The following SCEL variants were observed in gnomAD, a reference collection of about 807,000 sequenced individuals.
SCEL encodes sciellin.
In SCEL, 113 loss-of-function variants were observed where a neutral mutation model predicts 117.6. The observed-to-expected ratio is 0.96, with a 90% CI of 0.83 to 1.12. SCEL has a LOEUF of 1.12. Ranked by LOEUF, SCEL falls within the 50% of genes most tolerant of loss-of-function variation. SCEL has a pLI of 0.00. For missense variants in SCEL, 785 were observed against 810.8 expected (o/e 0.97, Z 0.39); for synonymous variants, 270 against 256.2 (o/e 1.05, Z -0.51).
intron 28 of SCEL, among the ~76,000 whole-genome samples, chr13:77,633,049 CA>C (rs2090096353): frequency 6.6e-6 from 1 of 152,330 alleles, no homozygotes; most frequent in African/African-American, 2.4e-5. Flanking sequence ...TAATGTGGCA[CA>C]TACCTATAGA....
intron 32 of SCEL, among the ~76,000 whole-genome samples, chr13:77,643,427 T>A (rs186138328): frequency 1.3e-5 from 2 of 152,276 alleles, no homozygotes; most frequent in African/African-American, 4.8e-5. Flanking sequence ...GTGCACATTG[T>A]ATGGTAAATT....
At chr13:77,571,712 C>CAT (rs35655886) in intron 8 of SCEL, among the ~76,000 whole-genome samples, 75,641 of 144,874 alleles carry the variant, frequency 0.52, 19,608 homozygotes, top group East Asian at 0.67. Flanking sequence ...AAAAATAAAA[C>CAT]ATATATATAT....
chr13:77,594,270 C>T (rs755507154), intron 12 of SCEL, among the ~76,000 whole-genome samples: 1 of 152,340 alleles, frequency 6.6e-6, no homozygotes, highest in East Asian at 1.9e-4. Flanking sequence ...GGCATATAAC[C>T]TCATTCAAAG....
chr13:77,561,505 C>T (rs1437001196), intron 4 of SCEL, among the ~76,000 whole-genome samples: 1 of 152,146 alleles, frequency 6.6e-6, no homozygotes, highest in Non-Finnish European at 1.5e-5. Flanking sequence ...TATTTTTCTC[C>T]TGGTACTTGC....
At position 77,644,155 on chromosome 13, in the gene SCEL, C is replaced by A. The variant is rs971663434; in HGVS notation, c.2051-103C>A. 12 of 1,264,996 alleles carry A rather than the reference C, an allele frequency of 9.5e-6. No individual in the cohort carries two copies. In the Admixed American group the frequency reaches 1.3e-4, roughly 13 times the overall value. The allele number at this position is 1,264,996 out of a possible 1,614,324, so 78.4% of individuals were successfully genotyped here. ...TCAGAAGTGGAAGGAAAAGTGGAATCCTTAATCTACCACTACCCGTTGGGT... is the reference window on the plus strand; with the variant it reads ...TCAGAAGTGGAAGGAAAAGTGGAATACTTAATCTACCACTACCCGTTGGGT... On this transcript the variant is annotated intron_variant, in intron 32 of 32. Transcript: ENST00000349847.
chr13:77,593,458 T>C, intron 11 of SCEL, 56 bp from the exon 12 acceptor site: 8 of 1,329,154 alleles, frequency 6.0e-6, no homozygotes, highest in Non-Finnish European at 8.6e-6. Context: ...AAATTTTAGC[T>C]CCTTCAAAAA....
At chr13:77,597,109 A>G (rs9600898) in intron 12 of SCEL, 74,564 of 164,406 alleles carry the variant, frequency 0.45, 18,897 homozygotes, top group Middle Eastern at 0.57. Flanking sequence ...TGTGGACTCA[A>G]TTAAAAGTGG....
chr13:77,574,371 C>T (rs372855650), intron 9 of SCEL, among the ~76,000 whole-genome samples: 7 of 152,208 alleles, frequency 4.6e-5, no homozygotes, highest in African/African-American at 9.6e-5. Context: ...TCCATAGCTC[C>T]GAAACTAAGG....
intron 18 of SCEL, 29 bp downstream of exon 18, chr13:77,603,164 G>C: frequency 7.4e-7 from 1 of 1,354,850 alleles, no homozygotes; most frequent in Non-Finnish European, 1.0e-6. Flanking sequence ...TTTAATTATG[G>C]TTTCTGTTAA....
intron 11 of SCEL, among the ~76,000 whole-genome samples, chr13:77,592,218 C>T (rs60427836): frequency 0.1 from 15,960 of 152,074 alleles, 991 homozygotes; most frequent in Non-Finnish European, 0.15. Context: ...CTAAAAGACA[C>T]ATCACATGTA....
At chr13:77,540,413 A>C (rs1295004917) in intron 1 of SCEL, among the ~76,000 whole-genome samples, 2 of 152,132 alleles carry the variant, frequency 1.3e-5, no homozygotes, top group Non-Finnish European at 2.9e-5. Flanking sequence ...ACACAGTCTT[A>C]GGTGATGTTA....
In SCEL at chr13:77,644,926, T is replaced by C. The variant is rs2090721601; in HGVS notation, c.*652T>C. 1 of 152,238 alleles carries C rather than the reference T, an allele frequency of 6.6e-6. No individual in the cohort carries two copies. The highest frequency in any genetic ancestry group is 2.4e-5 in the African/African-American group (1 of 41,462). 9.4% of individuals were successfully genotyped at this position (152,238 alleles called of 1,614,324 possible). ...TTAGCTCTTTGGAAACATATATGCA[T>C]ACATGTTTGTTAAGCCTATTGAACT... On this transcript the variant is annotated 3_prime_UTR_variant, in exon 33 of 33. Coordinates refer to ENST00000349847, the MANE Select transcript of SCEL (RefSeq NM_144777.3).
chr13:77,621,839 A>G lies in SCEL; in HGVS notation c.1628+3779A>G, dbSNP rs183598628. ...GGTCTCCTTGCTTGAGCCAATGACTATCTTTTGCTCATGACATAATCTCAA... is the reference window on the plus strand; with the variant it reads ...GGTCTCCTTGCTTGAGCCAATGACTGTCTTTTGCTCATGACATAATCTCAA... On this transcript the variant is annotated intron_variant, in intron 27 of 32. Transcript: ENST00000349847. 2.0e-5 allele frequency among the ~76,000 whole-genome samples: 3 copies of G among 152,266 alleles called. No homozygotes were observed. In the East Asian group the frequency reaches 5.8e-4, roughly 29 times the overall value.
intron 1 of SCEL, among the ~76,000 whole-genome samples, chr13:77,545,382 C>A (rs12868375): frequency 1.3e-5 from 2 of 151,944 alleles, no homozygotes; most frequent in African/African-American, 4.8e-5. Context: ...TAAAGAATTA[C>A]AAAACAATAA....
intron 17 of SCEL, 79 bp from the exon 18 acceptor site, chr13:77,602,997 A>G (rs1433821316): frequency 2.5e-6 from 2 of 816,166 alleles, no homozygotes; most frequent in African/African-American, 1.7e-5. Flanking sequence ...GCTTGAATTA[A>G]TCATTGGGAA....
intron 1 of SCEL, among the ~76,000 whole-genome samples, chr13:77,544,242 C>G (rs1206906516): frequency 6.6e-6 from 1 of 152,122 alleles, no homozygotes; most frequent in Non-Finnish European, 1.5e-5. Context: ...TGTTAATTTA[C>G]TTTCTGCTGC....
At chr13:77,627,383 A>G (rs1201200215) in intron 27 of SCEL, among the ~76,000 whole-genome samples, 1 of 152,192 alleles carries the variant, frequency 6.6e-6, no homozygotes, top group Non-Finnish European at 1.5e-5. Flanking sequence ...AGCTGAAAAG[A>G]AGTCGATTAA....
intron 8 of SCEL, 52 bp from the exon 9 acceptor site, chr13:77,572,072 G>T: frequency 1.4e-6 from 2 of 1,438,242 alleles, no homozygotes; most frequent in Non-Finnish European, 9.8e-7. Context: ...AGACATGTGG[G>T]TGGGATCAGC....
In SCEL at chr13:77,641,811, AG is replaced by A. The variant is rs1471717450; in HGVS notation, c.1948-894del. 3.9e-5 allele frequency among the ~76,000 whole-genome samples: 6 copies of A among 152,298 alleles called. No homozygotes were observed. The South Asian group carries it at 6.2e-4, about 16-fold the overall frequency. On this transcript the variant is annotated intron_variant, in intron 31 of 32. Transcript: ENST00000349847. ...GCTTCTATTCCTATTACTTTCAAAA[AG>A]TGACACATAGCAATCAGAAATATAG...
Sources: allele counts gnomAD v4.1 joint callset (sites outside exome capture counted in the v4.1 genomes callset), GRCh38; gene constraint gnomAD v4.1.1; transcripts MANE v1.5; gene names NCBI Gene and HGNC (gene_info 2026-07-23, HGNC 2026-07-21).